Variants in TP53BP2 observed in about 807,000 individuals in gnomAD.
TP53BP2 encodes apoptosis-stimulating of p53 protein 2.
Under a neutral mutation model 126.2 loss-of-function variants are expected in TP53BP2, and 62 were observed. The ratio of observed to expected loss-of-function variants is 0.49; its 90% CI spans 0.40 to 0.61. The LOEUF (loss-of-function observed/expected upper bound fraction) is 0.61, where lower values mean the gene tolerates loss of function less well. Among genes scored for constraint, TP53BP2 ranks in the 20% least tolerant of loss-of-function variants. The probability of loss-of-function intolerance (pLI) is 0.00; values close to 1 mark genes in which losing one functional copy is unlikely to be tolerated. For synonymous variants in TP53BP2, 485 were observed against 502.9 expected (o/e 0.96, Z 0.48); for missense variants, 1,215 against 1,402.8 (o/e 0.87, Z 2.14).
chr1:223,824,669 A>G (rs1663425968), intron 1 of TP53BP2, among the ~76,000 whole-genome samples: 1 of 152,070 alleles, frequency 6.6e-6, no homozygotes, highest in Admixed American at 6.5e-5. Flanking sequence ...ACTTAAAATT[A>G]ATTTTTAAAA....
chr1:223,843,204 A>ACT (rs1664159846), intron 1 of TP53BP2, among the ~76,000 whole-genome samples: 1 of 150,130 alleles, frequency 6.7e-6, no homozygotes, highest in African/African-American at 2.5e-5. Context: ...TTATGGAGTC[A>ACT]CTCTTAGTTA....
chr1:223,782,640 A>G (rs1290808986), intron 17 of TP53BP2, among the ~76,000 whole-genome samples: 1 of 152,048 alleles, frequency 6.6e-6, no homozygotes, highest in Admixed American at 6.5e-5. Context: ...TTTAGTAGAG[A>G]CAGGGTTTCA....
intron 4 of TP53BP2, among the ~76,000 whole-genome samples, chr1:223,807,504 AAAG>A (rs1418986500): frequency 1.3e-5 from 2 of 152,146 alleles, no homozygotes; most frequent in Admixed American, 6.5e-5. Context: ...GATTGGTAAA[AAAG>A]AAGTTCAACT....
At chr1:223,787,575 A>G (rs114440213) in intron 16 of TP53BP2, among the ~76,000 whole-genome samples, 1,580 of 151,608 alleles carry the variant, frequency 0.01, 36 homozygotes, top group African/African-American at 0.037. Context: ...TGAGGCCCCA[A>G]CTCCAAACGA....
At position 223,795,898 on chromosome 1, in the gene TP53BP2, G is replaced by A; in HGVS notation, c.2641C>T (p.Pro881Ser). ...EYPPYPPPPY[P>S]SGEPEGPGED... Reference sequence around the variant, plus strand: ...CCGGGCCCTTCAGGCTCCCCAGATGGGTATGGTGGGGGTGGGTATGGAGGG... The same window carrying A: ...CCGGGCCCTTCAGGCTCCCCAGATGAGTATGGTGGGGGTGGGTATGGAGGG... The change falls in exon 13 of 18, where the codon CCA (proline) becomes TCA (serine). Residue 881 changes from proline to serine, a missense_variant. Around this residue, in one of 4 missense-constraint regions of TP53BP2, gnomAD observed 204 missense variants for 225.7 expected, o/e 0.90. Transcript: ENST00000343537. 6.2e-7 allele frequency: 1 copy of A among 1,612,736 alleles called. No homozygotes were observed. The highest frequency in any genetic ancestry group is 8.5e-7 in the Non-Finnish European group (1 of 1,179,416).
At chr1:223,786,587 T>TGC (rs1410599754) in intron 16 of TP53BP2, among the ~76,000 whole-genome samples, 8 of 149,034 alleles carry the variant, frequency 5.4e-5, no homozygotes, top group East Asian at 3.9e-4. Context: ...TGTGCGTGTG[T>TGC]GTGTGTGTGT....
At chr1:223,792,300 C>T in intron 15 of TP53BP2, 89 bp downstream of exon 15, 1 of 1,435,484 alleles carries the variant, frequency 7.0e-7, no homozygotes, top group Non-Finnish European at 9.5e-7. Flanking sequence ...AACTGACATA[C>T]TTCTTTGTCT....
chr1:223,802,398 A>G, intron 8 of TP53BP2, 54 bp from the exon 9 acceptor site: 6 of 1,492,536 alleles, frequency 4.0e-6, no homozygotes, highest in Non-Finnish European at 5.5e-6. Context: ...AGGTGATCAG[A>G]CTTAGAAACT....
In TP53BP2 at chr1:223,821,340, T is replaced by C. The variant is rs1298311360; in HGVS notation, c.55A>G (p.Asn19Asp). 6.2e-7 allele frequency: 1 copy of C among 1,613,938 alleles called. No homozygotes were observed. Among genetic ancestry groups the C allele is most frequent in the Non-Finnish European group, 8.5e-7 (1 of 1,179,906 alleles). Residue 19 changes from asparagine to aspartate, a missense_variant, in exon 2 of 18, where the codon AAT becomes GAT. Transcript: ENST00000343537. ...PMFLTVYLSN[N>D]EQHFTEVPVT... The stretch of plus-strand genomic sequence containing the variant: ...GGAACTTCTGTGAAGTGCTGCTCAT[T>C]GTTACTGAGATACACGGTAAGAAAC...
intron 4 of TP53BP2, 117 bp downstream of exon 4, chr1:223,810,314 C>A: frequency 3.1e-6 from 2 of 643,124 alleles, no homozygotes; most frequent in Non-Finnish European, 4.9e-6. Context: ...TTAAAATAAC[C>A]TTTAAAAAGC....
chr1:223,815,568 G>A (rs1175211038), intron 2 of TP53BP2, among the ~76,000 whole-genome samples: 1 of 152,168 alleles, frequency 6.6e-6, no homozygotes, highest in Non-Finnish European at 1.5e-5. Context: ...GTCCACGCTG[G>A]ACTGCCCCAG....
At position 223,814,289 on chromosome 1, in the gene TP53BP2, G is replaced by A. The variant is rs764100853; in HGVS notation, c.240C>T (p.Asn80=). The A allele has an allele frequency of 2.2e-5, 36 of 1,613,872 alleles. No individual in the cohort carries two copies. The highest frequency in any genetic ancestry group is 4.5e-5 in the East Asian group (2 of 44,894). ...CATGACGAAGGAAGAAGCGAACTTCGTTCCTCTGACTTCCAAATCGTTGAA... is the reference window on the plus strand; with the variant it reads ...CATGACGAAGGAAGAAGCGAACTTCATTCCTCTGACTTCCAAATCGTTGAA... The part of the protein sequence containing the change: ...DVLQRFGSQR[N]EVRFFLRHER... The change falls in exon 3 of 18, where the codon AAC becomes AAT. Residue 80 remains asparagine, a synonymous_variant. Transcript: ENST00000343537.
chr1:223,840,011 G>A (rs1033409714), intron 1 of TP53BP2, among the ~76,000 whole-genome samples: 4 of 152,130 alleles, frequency 2.6e-5, no homozygotes, highest in Admixed American at 6.5e-5. Context: ...AATCTGGTTC[G>A]ATTATCATCC....
chr1:223,831,478 A>AT (rs1397956645), intron 1 of TP53BP2, among the ~76,000 whole-genome samples: 185 of 43,464 alleles, frequency 4.3e-3, no homozygotes, highest in Middle Eastern at 0.013. Flanking sequence ...AAAAAAAAAA[A>AT]AAATATATAT....
chr1:223,837,177 G>T (rs1244783364), intron 1 of TP53BP2, among the ~76,000 whole-genome samples: 1 of 147,320 alleles, frequency 6.8e-6, no homozygotes, highest in Non-Finnish European at 1.5e-5. Context: ...GGGGGTCAAG[G>T]AACTTTTAGG....
chr1:223,786,874 G>A (rs1433586167), intron 16 of TP53BP2, among the ~76,000 whole-genome samples: 1 of 151,876 alleles, frequency 6.6e-6, no homozygotes, highest in South Asian at 2.1e-4. Context: ...CCAAAGTGCT[G>A]GGATTATAGG....
intron 10 of TP53BP2, 39 bp from the exon 11 acceptor site, chr1:223,800,086 A>C: frequency 6.5e-7 from 1 of 1,548,616 alleles, no homozygotes; most frequent in Non-Finnish European, 8.7e-7. Context: ...CAAACTGTTT[A>C]GAATAAAGTA....
intron 2 of TP53BP2, among the ~76,000 whole-genome samples, chr1:223,814,574 A>G (rs1334356822): frequency 6.6e-6 from 1 of 152,184 alleles, no homozygotes; most frequent in African/African-American, 2.4e-5. Flanking sequence ...AAGGCAATGC[A>G]TCTCAGCCAG....
At chr1:223,821,028 T>C (rs542898364) in intron 2 of TP53BP2, 192 bp downstream of exon 2, 124 of 672,800 alleles carry the variant, frequency 1.8e-4, no homozygotes, top group Non-Finnish European at 2.8e-4. Context: ...CTCCATTTTA[T>C]TGGAGAAAAA....
Sources: allele counts gnomAD v4.1 joint callset (sites outside exome capture counted in the v4.1 genomes callset), GRCh38; gene constraint gnomAD v4.1.1; regional missense constraint gnomAD v4.1.1; transcripts MANE v1.5; gene names NCBI Gene and HGNC (gene_info 2026-07-23, HGNC 2026-07-21).